ASXL2: variants seen among roughly 807,000 people sequenced by gnomAD.
ASXL2 encodes the protein ASXL transcriptional regulator 2, also known as putative Polycomb group protein ASXL2.
ASXL2 carries 23 observed loss-of-function variants against 122.0 expected under a neutral mutation model. That is an observed-to-expected ratio of 0.19 (90% CI 0.14 to 0.27). The LOEUF (loss-of-function observed/expected upper bound fraction) is 0.27. ASXL2 is among the 10% of genes least tolerant of loss of function. ASXL2 has a pLI of 1.00. For synonymous variants in ASXL2, 650 were observed against 637.0 expected (o/e 1.02, Z -0.31); for missense variants, 1,518 against 1,713.8 (o/e 0.89, Z 2.02).
rs10579555 is a variant in ASXL2 at position 25,744,935 on chromosome 2, CCACA to C, written c.1861-463_1861-460del. Among the ~76,000 whole-genome samples the C allele has an allele frequency of 0.39, 54,024 of 137,970 alleles. 10,613 individuals are homozygous for C. Among genetic ancestry groups the C allele is most frequent in the Admixed American group, 0.46 (6,287 of 13,656 alleles). The allele number at this position is 137,970 out of a possible 152,430, so 90.5% of individuals were successfully genotyped here. On this transcript the variant is annotated intron_variant, in intron 12 of 12. Coordinates refer to ENST00000435504, the MANE Select transcript of ASXL2 (RefSeq NM_018263.6). The surrounding 1 kb of genome is among the most constrained non-coding windows in gnomAD (Gnocchi z 4.7). ...GGGAAAATACTTGCTCTTCTCTGTT[CCACA>C]CACACACACACACACACACACACAC...
chr2:25,840,766 CT>C (rs1241269933), intron 2 of ASXL2, among the ~76,000 whole-genome samples: 1 of 152,102 alleles, frequency 6.6e-6, no homozygotes, highest in African/African-American at 2.4e-5. Context: ...ATTCATTAAT[CT>C]GTTCATAAAT....
intron 5 of ASXL2, among the ~76,000 whole-genome samples, chr2:25,788,958 A>G (rs769429488): frequency 6.6e-6 from 1 of 152,174 alleles, no homozygotes; most frequent in South Asian, 2.1e-4. Flanking sequence ...TTTATGATTA[A>G]TCCTGATATT....
chr2:25,767,712 T>C lies in ASXL2; in HGVS notation c.646A>G (p.Lys216Glu). Reference sequence around the variant, plus strand: ...CTGCCTGTCTGTCCATCAGATTGCTTTCCTTCCCATGTTGCTAGGAGAAAA... The same window carrying C: ...CTGCCTGTCTGTCCATCAGATTGCTCTCCTTCCCATGTTGCTAGGAGAAAA... ...VPAKPATWEG[K>E]QSDGQTGSPQ... The change falls in exon 8 of 13, where the codon AAG becomes GAG. Residue 216 changes from lysine to glutamate, a missense_variant. Transcript: ENST00000435504. 6.2e-7 allele frequency: 1 copy of C among 1,613,944 alleles called. No homozygotes were observed. The highest frequency in any genetic ancestry group is 8.5e-7 in the Non-Finnish European group (1 of 1,179,862).
chr2:25,815,978 T>C (rs1362297899), intron 3 of ASXL2, among the ~76,000 whole-genome samples: 1 of 152,202 alleles, frequency 6.6e-6, no homozygotes, highest in East Asian at 1.9e-4. Context: ...CGAGAAAAGA[T>C]TACCCTTATG....
At chr2:25,789,426 T>C (rs1403948920) in intron 5 of ASXL2, among the ~76,000 whole-genome samples, 1 of 152,112 alleles carries the variant, frequency 6.6e-6, no homozygotes, top group Non-Finnish European at 1.5e-5. Flanking sequence ...GTTTATGCTA[T>C]TGGAAGTTGT....
intron 5 of ASXL2, among the ~76,000 whole-genome samples, chr2:25,779,857 A>G (rs2088605540): frequency 1.3e-5 from 2 of 152,110 alleles, no homozygotes; most frequent in Admixed American, 6.5e-5. Flanking sequence ...ACAACAGTAT[A>G]TATGTTTTAA....
chr2:25,757,168 G>A (rs1319374787), intron 9 of ASXL2, among the ~76,000 whole-genome samples: 1 of 152,104 alleles, frequency 6.6e-6, no homozygotes, highest in Admixed American at 6.5e-5. Flanking sequence ...ACTCCACACA[G>A]TCAAGTATGG....
At chr2:25,820,293 A>C (rs1178811689) in intron 3 of ASXL2, among the ~76,000 whole-genome samples, 1 of 152,202 alleles carries the variant, frequency 6.6e-6, no homozygotes, top group Non-Finnish European at 1.5e-5. Context: ...CAAATTAGAC[A>C]GATGTTAACA....
intron 1 of ASXL2, among the ~76,000 whole-genome samples, chr2:25,877,422 A>G (rs1432560673): frequency 6.6e-6 from 1 of 152,170 alleles, no homozygotes; most frequent in Non-Finnish European, 1.5e-5. Context: ...TTAGGGGGAA[A>G]ATTGTTTTGC....
chr2:25,865,731 C>T (rs183945699), intron 1 of ASXL2, among the ~76,000 whole-genome samples: 1,533 of 130,240 alleles, frequency 0.012, 14 homozygotes, highest in Non-Finnish European at 0.016. Context: ...GCCGAGATCG[C>T]GCCACTGGAC....
intron 5 of ASXL2, among the ~76,000 whole-genome samples, chr2:25,777,173 T>C (rs2149159437): frequency 6.6e-6 from 1 of 152,256 alleles, no homozygotes; most frequent in Non-Finnish European, 1.5e-5. Flanking sequence ...ACTGCAGCCT[T>C]GACCTCCGAG....
intron 3 of ASXL2, among the ~76,000 whole-genome samples, chr2:25,822,249 A>T (rs1574433850): frequency 1.3e-5 from 2 of 152,060 alleles, no homozygotes; most frequent in South Asian, 4.1e-4. Flanking sequence ...CTTTTCCTAC[A>T]CTTTTCTCTT....
intron 5 of ASXL2, among the ~76,000 whole-genome samples, chr2:25,780,981 A>G (rs35723988): frequency 0.32 from 48,384 of 150,540 alleles, 8,329 homozygotes; most frequent in African/African-American, 0.41. Flanking sequence ...CTACTTGGGA[A>G]GCTGAGGCAG....
chr2:25,877,821 G>A (rs1052389909), intron 1 of ASXL2, among the ~76,000 whole-genome samples: 2 of 152,222 alleles, frequency 1.3e-5, no homozygotes, highest in African/African-American at 2.4e-5. Context: ...GCCGCACAAG[G>A]GAGAAGAACC....
chr2:25,789,959 C>T (rs903894475), intron 5 of ASXL2, among the ~76,000 whole-genome samples: 5 of 152,080 alleles, frequency 3.3e-5, no homozygotes, highest in Non-Finnish European at 5.9e-5. Context: ...GATGAAGCAT[C>T]GTAATAGTTA....
intron 5 of ASXL2, among the ~76,000 whole-genome samples, chr2:25,775,549 A>G (rs887921879): frequency 1.3e-5 from 2 of 152,126 alleles, no homozygotes; most frequent in African/African-American, 4.8e-5. Flanking sequence ...TTCTCGTGAT[A>G]GTGAGTTCTC....
At chr2:25,828,833 A>AAAC (rs2089411646) in intron 3 of ASXL2, among the ~76,000 whole-genome samples, 3 of 151,070 alleles carry the variant, frequency 2.0e-5, no homozygotes, top group Admixed American at 1.3e-4. Flanking sequence ...TCAAAAAAAA[A>AAAC]AAAAAAAAAA....
At chr2:25,800,013 G>C (rs1341301507) in intron 4 of ASXL2, among the ~76,000 whole-genome samples, 1 of 149,294 alleles carries the variant, frequency 6.7e-6, no homozygotes, top group Non-Finnish European at 1.5e-5. Flanking sequence ...AAAAAAATTA[G>C]CTGGGCATGG....
chr2:25,849,687 G>C (rs1486656849), intron 1 of ASXL2, among the ~76,000 whole-genome samples: 1 of 151,812 alleles, frequency 6.6e-6, no homozygotes, highest in African/African-American at 2.4e-5. Context: ...TGTTGCCCAG[G>C]CCGGTCTCGA....
Sources: allele counts gnomAD v4.1 joint callset (sites outside exome capture counted in the v4.1 genomes callset), GRCh38; gene constraint gnomAD v4.1.1; non-coding constraint Gnocchi (gnomAD v3.1); transcripts MANE v1.5; gene names NCBI Gene and HGNC (gene_info 2026-07-23, HGNC 2026-07-21).